SPEF2: variants seen among roughly 807,000 people sequenced by gnomAD.
SPEF2 encodes sperm flagella and cilia-associated protein 2.
SPEF2 carries 187 observed loss-of-function variants against 224.6 expected under a neutral mutation model. That is an observed-to-expected ratio of 0.83 (90% CI 0.74 to 0.94). The LOEUF (loss-of-function observed/expected upper bound fraction) is 0.94, where lower values mean the gene tolerates loss of function less well. SPEF2 is among the 40% of genes least tolerant of loss of function. The pLI, the probability that SPEF2 is intolerant of heterozygous loss-of-function variation, is 0.00. For synonymous variants in SPEF2, 715 were observed against 707.3 expected (o/e 1.01, Z -0.17); for missense variants, 2,170 against 2,135.6 (o/e 1.02, Z -0.32).
chr5:35,661,934 A>C (rs891424162), intron 8 of SPEF2, among the ~76,000 whole-genome samples: 2 of 152,180 alleles, frequency 1.3e-5, no homozygotes, highest in Admixed American at 6.5e-5. Context: ...TCCTTTGGGT[A>C]TAAACCCAGT....
chr5:35,725,934 A>G (rs1489068687), intron 20 of SPEF2, among the ~76,000 whole-genome samples: 1 of 152,196 alleles, frequency 6.6e-6, no homozygotes, highest in Non-Finnish European at 1.5e-5. Context: ...CATGAGCATG[A>G]GGAATAGTTA....
intron 20 of SPEF2, among the ~76,000 whole-genome samples, chr5:35,722,801 C>A (rs767749460): frequency 4.6e-5 from 7 of 151,578 alleles, no homozygotes; most frequent in Non-Finnish European, 1.0e-4. Flanking sequence ...CATGTCCCTA[C>A]AAAGGACATG....
At chr5:35,703,206 A>T in intron 16 of SPEF2, among the ~76,000 whole-genome samples, 1 of 152,020 alleles carries the variant, frequency 6.6e-6, no homozygotes, top group Non-Finnish European at 1.5e-5. Flanking sequence ...AGTAAGAATA[A>T]AGGTTGTGTA....
chr5:35,796,609 C>A (rs377006603), intron 33 of SPEF2, among the ~76,000 whole-genome samples: 124 of 144,152 alleles, frequency 8.6e-4, no homozygotes, highest in Non-Finnish European at 8.2e-4. Context: ...GAGACTGTCT[C>A]AAAAAAAAAA....
chr5:35,788,144 A>G, intron 30 of SPEF2: 1 of 702,992 alleles, frequency 1.4e-6, no homozygotes, highest in Non-Finnish European at 2.6e-6. Flanking sequence ...GGCTCATGCC[A>G]AGGCCTCATT....
At chr5:35,639,542 ATAACT>A (rs910411792) in intron 2 of SPEF2, among the ~76,000 whole-genome samples, 34 of 152,308 alleles carry the variant, frequency 2.2e-4, no homozygotes, top group Admixed American at 1.4e-3. Flanking sequence ...TATTTTGTAA[ATAACT>A]TAAAGTTATT....
chr5:35,813,813 C>T (rs1292176315), intron 36 of SPEF2, among the ~76,000 whole-genome samples: 6 of 146,342 alleles, frequency 4.1e-5, no homozygotes, highest in Admixed American at 6.9e-5. Flanking sequence ...TGTTAAAATA[C>T]TTCTCTAAAA....
chr5:35,648,283 A>T (rs1029218825), intron 5 of SPEF2, among the ~76,000 whole-genome samples: 1 of 151,570 alleles, frequency 6.6e-6, no homozygotes, highest in Non-Finnish European at 1.5e-5. Context: ...CTGTACTTGG[A>T]TTCTAAAATT....
chr5:35,783,407 G>GGTT lies in SPEF2; in HGVS notation c.4447+4065_4447+4067dup, dbSNP rs1291340520. On this transcript the variant is annotated intron_variant, in intron 30 of 36. Coordinates refer to ENST00000356031, the MANE Select transcript of SPEF2 (RefSeq NM_024867.4). ...ATACTTATTCCATGTATTGAAATAA[G>GGTT]GTTGTTATGAAGATTAAAGTAATTA... Among the ~76,000 whole-genome samples, 3 of 152,174 alleles carry GGTT rather than the reference G, an allele frequency of 2.0e-5. No individual in the cohort carries two copies. In the East Asian group the frequency reaches 5.8e-4, roughly 29 times the overall value.
At chr5:35,730,537 G>A (rs1745476229) in intron 21 of SPEF2, among the ~76,000 whole-genome samples, 1 of 152,236 alleles carries the variant, frequency 6.6e-6, no homozygotes, top group South Asian at 2.1e-4. Context: ...ACGGCCAAAA[G>A]TATAACTCAG....
Position 35,776,267 on chromosome 5 carries a change from G to A in SPEF2, c.4089G>A (p.Thr1363=), listed in dbSNP as rs561369812. 98 of 1,603,560 alleles carry A rather than the reference G, an allele frequency of 6.1e-5. 2 individuals carry two copies. Among genetic ancestry groups the A allele is most frequent in the South Asian group, 2.0e-4 (18 of 89,502 alleles). ...LAALQFEEIA[T]QFRLELIKTK... ...TCTCTTTGCAAATAGAAATAGCCAC[G>A]CAATTTCGACTTGAACTGATAAAGA... is the stretch of plus-strand genomic sequence containing the variant. The change falls in exon 29 of 37, where the codon ACG becomes ACA. Residue 1363 remains threonine, a synonymous_variant. Transcript: ENST00000356031.
chr5:35,753,880 C>G, intron 24 of SPEF2, 119 bp downstream of exon 24: 1 of 1,234,330 alleles, frequency 8.1e-7, no homozygotes, highest in South Asian at 1.5e-5. Flanking sequence ...TTTGGTATAG[C>G]ACTATGCCTG....
intron 30 of SPEF2, chr5:35,788,763 G>T (rs1214504525): frequency 2.8e-6 from 2 of 703,014 alleles, no homozygotes; most frequent in East Asian, 5.4e-5. Context: ...ACTGTATATT[G>T]CTTTGCACAT....
At chr5:35,763,864 C>G (rs1388795525) in intron 26 of SPEF2, among the ~76,000 whole-genome samples, 162 bp downstream of exon 26, 1 of 152,146 alleles carries the variant, frequency 6.6e-6, no homozygotes, top group Non-Finnish European at 1.5e-5. Context: ...AAATGTGATT[C>G]AGTCAACAAA....
chr5:35,645,431 C>T (rs73080208), intron 4 of SPEF2, among the ~76,000 whole-genome samples: 55 of 152,256 alleles, frequency 3.6e-4, no homozygotes, highest in African/African-American at 1.3e-3. Flanking sequence ...TTACTTCTAC[C>T]TGCCTCAGAG....
intron 21 of SPEF2, among the ~76,000 whole-genome samples, chr5:35,728,957 T>C (rs1745145431): frequency 6.6e-6 from 1 of 152,082 alleles, no homozygotes; most frequent in Admixed American, 6.5e-5. Flanking sequence ...ATTAAAATGA[T>C]ACAATATGGT....
intron 1 of SPEF2, among the ~76,000 whole-genome samples, chr5:35,624,809 G>T (rs1744006554): frequency 6.6e-6 from 1 of 152,044 alleles, no homozygotes; most frequent in Non-Finnish European, 1.5e-5. Context: ...GCTACTTTTT[G>T]TATTTTTAGT....
chr5:35,762,404 C>A (rs2149755359), intron 25 of SPEF2, among the ~76,000 whole-genome samples: 1 of 152,318 alleles, frequency 6.6e-6, no homozygotes, highest in Admixed American at 6.5e-5. Flanking sequence ...GAATCACAGT[C>A]AAACTGGAGT....
At chr5:35,749,019 A>G (rs540116658) in intron 23 of SPEF2, among the ~76,000 whole-genome samples, 1 of 152,176 alleles carries the variant, frequency 6.6e-6, no homozygotes, top group Admixed American at 6.5e-5. Flanking sequence ...GGATGCAGGG[A>G]TGGTTTAACA....
Sources: gnomAD v4.1 joint callset for allele counts (sites outside exome capture counted in the v4.1 genomes callset) on GRCh38, gnomAD v4.1.1 for gene constraint, MANE v1.5 for transcripts, NCBI Gene and HGNC (gene_info 2026-07-23, HGNC 2026-07-21) for gene names.